COL15A1: variants seen among roughly 807,000 people sequenced by gnomAD.
COL15A1 encodes the protein collagen type XV alpha 1 chain.
A neutral mutation model predicts 165.9 loss-of-function variants in COL15A1; 111 were observed. The ratio of observed to expected loss-of-function variants is 0.67; its 90% CI spans 0.57 to 0.78. The LOEUF (loss-of-function observed/expected upper bound fraction) is 0.78, where lower values mean the gene tolerates loss of function less well. COL15A1 is among the 30% of genes least tolerant of loss of function. The pLI is 0.00. For synonymous variants in COL15A1, 659 were observed against 674.8 expected (o/e 0.98, Z 0.36); for missense variants, 1,745 against 1,789.7 (o/e 0.98, Z 0.45).
chr9:98,951,066 G>C (rs1173302689), intron 2 of COL15A1, among the ~76,000 whole-genome samples: 2 of 152,130 alleles, frequency 1.3e-5, no homozygotes, highest in Non-Finnish European at 2.9e-5. Flanking sequence ...AGTCTGATTT[G>C]CTTTTCTGAG....
At chr9:98,965,622 CTTGTTTTCCTAA>C (rs1490065598) in intron 2 of COL15A1, among the ~76,000 whole-genome samples, 5 of 152,208 alleles carry the variant, frequency 3.3e-5, no homozygotes, top group Non-Finnish European at 5.9e-5. Context: ...TCACTTGGCC[CTTGTTTTCCTAA>C]TTGTGTGGGT....
intron 11 of COL15A1, among the ~76,000 whole-genome samples, chr9:99,016,542 C>A (rs113347191): frequency 6.6e-6 from 1 of 152,136 alleles, no homozygotes; most frequent in African/African-American, 2.4e-5. Flanking sequence ...TAAGCAAATC[C>A]GTTGATTTCT....
Position 99,055,292 on chromosome 9 carries a change from GA to G in COL15A1, c.3117del (p.Gly1040GlufsTer113). 1 of 1,613,610 alleles carries G rather than the reference GA, an allele frequency of 6.2e-7. No individual in the cohort carries two copies. Among genetic ancestry groups the G allele is most frequent in the Non-Finnish European group, 8.5e-7 (1 of 1,179,574 alleles). On this transcript the variant is annotated frameshift_variant, in exon 34 of 42. Transcript: ENST00000375001. LOFTEE classifies it high-confidence loss of function. ...GAATGGAGACAAGGGGTTCAAAGGT[GA>G]AAAAGGAGAAAAAGGAGACATTAAT... ...GENGDKGFKG[E>X]KGEKGDINGS...
chr9:99,066,430 T>C (rs567618740), intron 39 of COL15A1, among the ~76,000 whole-genome samples: 11 of 152,102 alleles, frequency 7.2e-5, no homozygotes, highest in African/African-American at 1.4e-4. Context: ...ATCCAGGAGA[T>C]GGAAGAAAGG....
At chr9:99,007,803 T>C (rs2118967130) in intron 9 of COL15A1, among the ~76,000 whole-genome samples, 1 of 151,976 alleles carries the variant, frequency 6.6e-6, no homozygotes, top group Admixed American at 6.6e-5. Context: ...ATTTCAAAAA[T>C]GGGGAAAAAA....
chr9:99,036,375 G>T lies in COL15A1; in HGVS notation c.2388G>T (p.Gly796=). The part of the protein sequence containing the change: ...VGPPGPRGPP[G]HIKVLSNSLI... ...CCCCTGGGCCGAGAGGGCCACCTGGGCACATCAAGGTCTTGTCTAATGTGA... is the reference window on the plus strand; with the variant it reads ...CCCCTGGGCCGAGAGGGCCACCTGGTCACATCAAGGTCTTGTCTAATGTGA... Residue 796 remains glycine (G), a synonymous_variant, in exon 21 of 42, where the codon GGG becomes GGT. Transcript: ENST00000375001. 6.2e-7 allele frequency: 1 copy of T among 1,614,188 alleles called. No individual in the cohort carries two copies. Among genetic ancestry groups the T allele is most frequent in the East Asian group, 2.2e-5 (1 of 44,880 alleles).
At chr9:98,965,159 G>T (rs1837936457) in intron 2 of COL15A1, among the ~76,000 whole-genome samples, 1 of 152,294 alleles carries the variant, frequency 6.6e-6, no homozygotes, top group South Asian at 2.1e-4. Flanking sequence ...GGACCCAACT[G>T]CCTAGGGCAG....
intron 2 of COL15A1, among the ~76,000 whole-genome samples, chr9:98,965,801 A>G (rs1222462161): frequency 2.0e-5 from 3 of 152,042 alleles, no homozygotes; most frequent in Admixed American, 2.0e-4. Context: ...TCCTTTGCTT[A>G]TGGCTCCAAG....
intron 5 of COL15A1, among the ~76,000 whole-genome samples, chr9:98,990,005 G>T (rs1247759732): frequency 6.6e-6 from 1 of 152,210 alleles, no homozygotes; most frequent in South Asian, 2.1e-4. Flanking sequence ...CTCCTTGCCT[G>T]GTCAGGCTAC....
chr9:98,969,789 G>A (rs978882472), intron 2 of COL15A1, among the ~76,000 whole-genome samples: 5 of 152,208 alleles, frequency 3.3e-5, no homozygotes, highest in Admixed American at 6.5e-5. Flanking sequence ...TCAATGCCTC[G>A]CATCAGACAG....
At chr9:98,960,289 A>G (rs553767012) in intron 2 of COL15A1, among the ~76,000 whole-genome samples, 2 of 152,230 alleles carry the variant, frequency 1.3e-5, no homozygotes, top group Admixed American at 6.5e-5. Flanking sequence ...ACTCCCAGCT[A>G]CTTGGGAGCC....
intron 5 of COL15A1, among the ~76,000 whole-genome samples, chr9:98,994,845 C>T (rs1003181935): frequency 6.6e-6 from 1 of 152,152 alleles, no homozygotes; most frequent in Non-Finnish European, 1.5e-5. Context: ...CTATTTGAGG[C>T]AGGTCCCCTT....
intron 31 of COL15A1, among the ~76,000 whole-genome samples, chr9:99,053,780 T>C (rs1270124637): frequency 6.6e-6 from 1 of 152,180 alleles, no homozygotes; most frequent in Non-Finnish European, 1.5e-5. Context: ...CTCCCCTTCA[T>C]TGAGAAAGCC....
rs777141387 is a variant in COL15A1, at chr9:98,985,953, C to T, written c.489C>T (p.Arg163=). Reference sequence around the variant, plus strand: ...CTGTGATGACCCACAGGTGGAACCGCTTCGCCATGATTGTCCAGGGTGAGG... The same window carrying T: ...CTGTGATGACCCACAGGTGGAACCGTTTCGCCATGATTGTCCAGGGTGAGG... ...SVPVMTHRWN[R]FAMIVQGEEV... is the part of the protein sequence containing the mutation. The change falls in exon 3 of 42, where the codon CGC becomes CGT. Residue 163 remains arginine (R), a synonymous_variant. Coordinates refer to ENST00000375001, the MANE Select transcript of COL15A1 (RefSeq NM_001855.5). The T allele has an allele frequency of 1.2e-6, 2 of 1,614,136 alleles. No homozygotes were observed. Among genetic ancestry groups the T allele is most frequent in the Non-Finnish European group, 1.7e-6 (2 of 1,180,022 alleles).
chr9:98,963,046 A>G (rs2118806433), intron 2 of COL15A1, among the ~76,000 whole-genome samples: 1 of 152,356 alleles, frequency 6.6e-6, no homozygotes, highest in African/African-American at 2.4e-5. Flanking sequence ...CTGCTTTAGC[A>G]TGGAGATCTT....
chr9:98,959,022 G>T (rs1022001243), intron 2 of COL15A1, among the ~76,000 whole-genome samples: 2 of 151,866 alleles, frequency 1.3e-5, no homozygotes, highest in Admixed American at 6.6e-5. Context: ...TGTCATCTCT[G>T]CACTGTTGCT....
At chr9:99,065,987 C>T (rs185431399) in intron 39 of COL15A1, among the ~76,000 whole-genome samples, 60 of 151,954 alleles carry the variant, frequency 3.9e-4, no homozygotes, top group South Asian at 2.1e-4. Flanking sequence ...CCTGCCCCAC[C>T]GCCTGAGCCT....
chr9:99,065,936 G>C (rs1340582085), intron 39 of COL15A1, among the ~76,000 whole-genome samples: 2 of 151,902 alleles, frequency 1.3e-5, no homozygotes, highest in African/African-American at 4.8e-5. Flanking sequence ...GTTCAGGTCT[G>C]AGAGGCGGGG....
At chr9:98,994,157 G>C (rs983958014) in intron 5 of COL15A1, among the ~76,000 whole-genome samples, 1 of 151,894 alleles carries the variant, frequency 6.6e-6, no homozygotes, top group Non-Finnish European at 1.5e-5. Flanking sequence ...CTGTGTTGGG[G>C]GGATTGGTCT....
Sources: gnomAD v4.1 joint callset for allele counts (sites outside exome capture counted in the v4.1 genomes callset) on GRCh38, gnomAD v4.1.1 for gene constraint, MANE v1.5 for transcripts, NCBI Gene and HGNC (gene_info 2026-07-23, HGNC 2026-07-21) for gene names.